The following ZDHHC14 variants were observed in gnomAD, a reference collection of about 807,000 sequenced individuals.
ZDHHC14 encodes the protein zDHHC palmitoyltransferase 14.
In ZDHHC14, 16 loss-of-function variants were observed where a neutral mutation model predicts 47.7. The ratio of observed to expected loss-of-function variants is 0.34; its 90% CI spans 0.23 to 0.51. The LOEUF (loss-of-function observed/expected upper bound fraction) is 0.51. ZDHHC14 is among the 20% of genes least tolerant of loss of function. The pLI is 0.97. For synonymous variants in ZDHHC14, 293 were observed against 278.9 expected, an observed-to-expected ratio of 1.05 and a Z score of -0.50; for missense variants, 515 against 662.5, an observed-to-expected ratio of 0.78 and a Z score of 2.44.
intron 1 of ZDHHC14, among the ~76,000 whole-genome samples, chr6:157,522,084 A>AC (rs1780936103): frequency 6.6e-6 from 1 of 152,158 alleles, no homozygotes; most frequent in African/African-American, 2.4e-5. Context: ...GTGGTGGTGA[A>AC]TTTGCCCTTC....
chr6:157,497,578 C>T (rs537213668), intron 1 of ZDHHC14, among the ~76,000 whole-genome samples: 3 of 152,292 alleles, frequency 2.0e-5, no homozygotes, highest in Non-Finnish European at 2.9e-5. Context: ...CATGGCAGCC[C>T]AGCACCTCCA....
At chr6:157,664,053 T>C (rs1444929380) in intron 8 of ZDHHC14, among the ~76,000 whole-genome samples, 4 of 152,144 alleles carry the variant, frequency 2.6e-5, no homozygotes, top group Non-Finnish European at 4.4e-5. Context: ...GTAAAGTGAT[T>C]TTCAGCCACA....
chr6:157,539,647 AG>A (rs1391156639), intron 1 of ZDHHC14, among the ~76,000 whole-genome samples: 1 of 152,198 alleles, frequency 6.6e-6, no homozygotes, highest in Non-Finnish European at 1.5e-5. Flanking sequence ...ATGCGAGTCT[AG>A]GTAGAGCCGG....
intron 1 of ZDHHC14, among the ~76,000 whole-genome samples, chr6:157,468,804 A>G (rs1189687744): frequency 6.6e-6 from 1 of 152,212 alleles, no homozygotes; most frequent in East Asian, 1.9e-4. Context: ...TCTTACTGTT[A>G]ATTAGTCCAG....
chr6:157,602,951 T>C (rs1784392538), intron 3 of ZDHHC14, among the ~76,000 whole-genome samples: 2 of 152,240 alleles, frequency 1.3e-5, no homozygotes, highest in Non-Finnish European at 2.9e-5. Flanking sequence ...ATCCATGCTT[T>C]CGGGTCCAAG....
intron 1 of ZDHHC14, among the ~76,000 whole-genome samples, chr6:157,493,431 G>A (rs1207806341): frequency 6.6e-6 from 1 of 152,234 alleles, no homozygotes; most frequent in Non-Finnish European, 1.5e-5. Flanking sequence ...ACACACAGAG[G>A]GAGCCTTCCT....
At chr6:157,634,894 C>T (rs1056583274) in intron 5 of ZDHHC14, among the ~76,000 whole-genome samples, 2 of 152,224 alleles carry the variant, frequency 1.3e-5, no homozygotes, top group African/African-American at 4.8e-5. Context: ...TTGTGTCTGG[C>T]CTGCTGGCGG....
chr6:157,501,104 A>C (rs960003986), intron 1 of ZDHHC14, among the ~76,000 whole-genome samples: 3 of 152,252 alleles, frequency 2.0e-5, no homozygotes, highest in Non-Finnish European at 2.9e-5. Flanking sequence ...ATGAAAATTC[A>C]GATTTTTCTC....
At chr6:157,487,189 G>A (rs1779801939) in intron 1 of ZDHHC14, among the ~76,000 whole-genome samples, 1 of 152,222 alleles carries the variant, frequency 6.6e-6, no homozygotes, top group African/African-American at 2.4e-5. Flanking sequence ...CACCTTGCCG[G>A]GAGTGTGAGT....
At chr6:157,628,282 C>A in intron 3 of ZDHHC14, 67 bp from the exon 4 acceptor site, 1 of 1,542,634 alleles carries the variant, frequency 6.5e-7, no homozygotes, top group South Asian at 1.2e-5. Flanking sequence ...GGGCGGGGCT[C>A]CTGCAAGTAA....
At chr6:157,637,687 G>A (rs1045472123) in intron 5 of ZDHHC14, among the ~76,000 whole-genome samples, 4 of 152,162 alleles carry the variant, frequency 2.6e-5, no homozygotes, top group African/African-American at 4.8e-5. Flanking sequence ...CCTCTGCAGC[G>A]TTTTCTCGGG....
intron 1 of ZDHHC14, among the ~76,000 whole-genome samples, chr6:157,416,452 C>T (rs1243520919): frequency 6.6e-6 from 1 of 151,672 alleles, no homozygotes; most frequent in East Asian, 1.9e-4. Flanking sequence ...TGCTTAAGTT[C>T]AAGAGTTTGA....
At chr6:157,649,070 G>T (rs1178888188) in intron 7 of ZDHHC14, among the ~76,000 whole-genome samples, 1 of 152,210 alleles carries the variant, frequency 6.6e-6, no homozygotes, top group African/African-American at 2.4e-5. Context: ...TGCTGTTTTG[G>T]CTGGATTGGG....
At chr6:157,519,145 G>C (rs1424113254) in intron 1 of ZDHHC14, among the ~76,000 whole-genome samples, 1 of 152,176 alleles carries the variant, frequency 6.6e-6, no homozygotes, top group Non-Finnish European at 1.5e-5. Flanking sequence ...GGTTTTTCCT[G>C]ATGTACGAAG....
intron 2 of ZDHHC14, among the ~76,000 whole-genome samples, chr6:157,543,023 G>A (rs1781833989): frequency 6.6e-6 from 1 of 152,216 alleles, no homozygotes; most frequent in Non-Finnish European, 1.5e-5. Flanking sequence ...AAACCCAAGT[G>A]TTTGATTCCA....
At chr6:157,545,567 A>C (rs1226347585) in intron 2 of ZDHHC14, among the ~76,000 whole-genome samples, 1 of 151,864 alleles carries the variant, frequency 6.6e-6, no homozygotes, top group Admixed American at 6.6e-5. Flanking sequence ...AGTCCCAGCT[A>C]CTCGGGAGGC....
intron 4 of ZDHHC14, chr6:157,630,887 CAT>C (rs1392597950): frequency 1.5e-5 from 2 of 130,610 alleles, no homozygotes; most frequent in Non-Finnish European, 3.2e-5. Flanking sequence ...CTTACACACA[CAT>C]CCTTACCCAC....
rs1269550771 is a variant in ZDHHC14, at chr6:157,502,809, G to A, written c.246-39776G>A. ...AGGTTCAAGCGATTCTCCTGGCTCA[G>A]CCTCTCAAGTAGCTGGGATTACAGG... On this transcript the variant is annotated intron_variant, in intron 1 of 8. Transcript: ENST00000359775. This position sits in a 1 kb window ranked among gnomAD's most constrained non-coding sequence, Gnocchi z 4.0. Among the ~76,000 whole-genome samples, 1 of 152,142 alleles carries A rather than the reference G, an allele frequency of 6.6e-6. No individual in the cohort carries two copies. Among genetic ancestry groups the A allele is most frequent in the Non-Finnish European group, 1.5e-5 (1 of 68,026 alleles).
At chr6:157,648,440 GA>G (rs958688697) in intron 7 of ZDHHC14, among the ~76,000 whole-genome samples, 11 of 149,554 alleles carry the variant, frequency 7.4e-5, no homozygotes, top group East Asian at 2.0e-4. Context: ...AAGAATTCAA[GA>G]AAAAAAAAAT....
Sources: allele counts gnomAD v4.1 joint callset (sites outside exome capture counted in the v4.1 genomes callset), GRCh38; gene constraint gnomAD v4.1.1; non-coding constraint Gnocchi (gnomAD v3.1); transcripts MANE v1.5; gene names NCBI Gene and HGNC (gene_info 2026-07-23, HGNC 2026-07-21).